The following ARFIP1 variants were observed in gnomAD, a reference collection of about 807,000 sequenced individuals.
ARFIP1 encodes ARF interacting protein 1, also known as arfaptin-1.
A neutral mutation model predicts 42.5 loss-of-function variants in ARFIP1; 24 were observed. The observed-to-expected ratio is 0.57, with a 90% CI of 0.41 to 0.80. ARFIP1 has a LOEUF of 0.80. Ranked by LOEUF, ARFIP1 falls within the 30% of genes least tolerant of loss-of-function variation. The probability of loss-of-function intolerance (pLI) is 0.00; values close to 1 mark genes in which losing one functional copy is unlikely to be tolerated. For synonymous variants in ARFIP1, 141 were observed against 153.7 expected (o/e 0.92, Z 0.61); for missense variants, 354 against 434.0 (o/e 0.82, Z 1.64).
chr4:152,791,601 C>T (rs961223998), intron 1 of ARFIP1, among the ~76,000 whole-genome samples: 2 of 152,026 alleles, frequency 1.3e-5, no homozygotes, highest in African/African-American at 2.4e-5. Flanking sequence ...TTTGTAAAGA[C>T]GTAAATACAG....
chr4:152,817,369 G>A (rs1729984060), intron 1 of ARFIP1, among the ~76,000 whole-genome samples: 1 of 152,186 alleles, frequency 6.6e-6, no homozygotes, highest in Non-Finnish European at 1.5e-5. Flanking sequence ...AGACAGGATA[G>A]TCTCTTTAAC....
chr4:152,909,315 G>A (rs975563142), intron 8 of ARFIP1, among the ~76,000 whole-genome samples: 1 of 152,188 alleles, frequency 6.6e-6, no homozygotes, highest in Non-Finnish European at 1.5e-5. Context: ...AACCCTGGAG[G>A]CAGAGGTTGC....
chr4:152,824,186 G>A (rs1162198404), intron 1 of ARFIP1, among the ~76,000 whole-genome samples: 2 of 151,628 alleles, frequency 1.3e-5, no homozygotes, highest in Non-Finnish European at 2.9e-5. Context: ...GTTGGTGCAG[G>A]CCTGTAATCC....
chr4:152,898,207 C>T (rs1334310590), intron 8 of ARFIP1, among the ~76,000 whole-genome samples: 1 of 151,990 alleles, frequency 6.6e-6, no homozygotes, highest in Non-Finnish European at 1.5e-5. Context: ...TGGTCTTGAA[C>T]TCCTGACCTT....
chr4:152,894,557 G>C (rs956646165), intron 8 of ARFIP1, among the ~76,000 whole-genome samples: 1 of 152,250 alleles, frequency 6.6e-6, no homozygotes, highest in Non-Finnish European at 1.5e-5. Context: ...AGTACTTCTT[G>C]GTGTGTGCTC....
intron 7 of ARFIP1, among the ~76,000 whole-genome samples, chr4:152,885,370 G>A (rs931038743): frequency 1.3e-5 from 2 of 151,966 alleles, no homozygotes; most frequent in African/African-American, 4.8e-5. Flanking sequence ...AGAAAATCTT[G>A]TAACAGCCCA....
Position 152,882,734 on chromosome 4 carries a change from C to T in ARFIP1, c.645C>T (p.Gly215=), listed in dbSNP as rs1411041834. ...LKSLELHEEF[G]YNADTQKLLA... is the part of the protein sequence containing the mutation. ...CTTCTTTGTTTTAGGAAGAATTTGG[C>T]TATAATGCCGATACCCAGAAACTGC... is the stretch of plus-strand genomic sequence containing the variant. Residue 215 remains glycine (G), a synonymous_variant, in exon 7 of 9, where the codon GGC becomes GGT. Coordinates refer to ENST00000353617, the MANE Select transcript of ARFIP1 (RefSeq NM_001025595.3). The T allele has an allele frequency of 6.2e-7, 1 of 1,612,836 alleles. No individual in the cohort carries two copies. Among genetic ancestry groups the T allele is most frequent in the Admixed American group, 1.7e-5 (1 of 59,878 alleles).
At chr4:152,824,791 C>G (rs1053027003) in intron 1 of ARFIP1, among the ~76,000 whole-genome samples, 5 of 152,160 alleles carry the variant, frequency 3.3e-5, no homozygotes, top group African/African-American at 9.7e-5. Flanking sequence ...CTAGAAAACC[C>G]TAAGGACTCC....
At chr4:152,859,657 T>G (rs117103670) in intron 2 of ARFIP1, among the ~76,000 whole-genome samples, 1 of 152,120 alleles carries the variant, frequency 6.6e-6, no homozygotes, top group Non-Finnish European at 1.5e-5. Flanking sequence ...TGGGCTTTTC[T>G]TGCATTTTTT....
intron 1 of ARFIP1, among the ~76,000 whole-genome samples, chr4:152,790,201 G>T (rs978482683): frequency 3.3e-5 from 5 of 152,130 alleles, no homozygotes; most frequent in Admixed American, 6.5e-5. Flanking sequence ...TATTGAAGGG[G>T]TTTATTTTAC....
intron 8 of ARFIP1, among the ~76,000 whole-genome samples, chr4:152,909,389 AAC>A (rs2149918527): frequency 6.6e-6 from 1 of 152,302 alleles, no homozygotes; most frequent in South Asian, 2.1e-4. Flanking sequence ...TGTCTCAAAA[AAC>A]AAAACAAAAC....
intron 6 of ARFIP1, 27 bp downstream of exon 6, chr4:152,881,211 G>A (rs1578999227): frequency 6.7e-7 from 1 of 1,501,444 alleles, no homozygotes; most frequent in South Asian, 1.2e-5. Flanking sequence ...TAACTATTAG[G>A]GATGGGAGAA....
At chr4:152,894,599 A>T (rs1402577095) in intron 8 of ARFIP1, among the ~76,000 whole-genome samples, 2 of 152,226 alleles carry the variant, frequency 1.3e-5, no homozygotes, top group Non-Finnish European at 2.9e-5. Context: ...TATATAGGTG[A>T]AAGAACTACC....
chr4:152,829,099 A>G (rs1036462240), intron 1 of ARFIP1, among the ~76,000 whole-genome samples: 1 of 152,110 alleles, frequency 6.6e-6, no homozygotes, highest in African/African-American at 2.4e-5. Context: ...CACCAATACC[A>G]CATTGTCTTG....
At chr4:152,843,969 G>T (rs1732327588) in intron 2 of ARFIP1, among the ~76,000 whole-genome samples, 1 of 152,172 alleles carries the variant, frequency 6.6e-6, no homozygotes, top group South Asian at 2.1e-4. Context: ...ACAAAGTTCA[G>T]CTGGAGATTT....
chr4:152,902,807 G>A (rs769559391), intron 8 of ARFIP1, among the ~76,000 whole-genome samples: 15 of 152,054 alleles, frequency 9.9e-5, no homozygotes, highest in African/African-American at 2.9e-4. Flanking sequence ...CACTTTCTTT[G>A]TCTCTCTCTG....
intron 1 of ARFIP1, among the ~76,000 whole-genome samples, chr4:152,813,191 A>G (rs1729603870): frequency 6.6e-6 from 1 of 152,144 alleles, no homozygotes; most frequent in African/African-American, 2.4e-5. Flanking sequence ...ATTACAGATA[A>G]TCTAGTGATG....
At chr4:152,900,784 T>TA (rs564606928) in intron 8 of ARFIP1, among the ~76,000 whole-genome samples, 128 of 152,374 alleles carry the variant, frequency 8.4e-4, no homozygotes, top group East Asian at 4.8e-3. Flanking sequence ...AAGGAGTTGA[T>TA]ACCTTACATG....
chr4:152,896,857 T>G (rs1737377855), intron 8 of ARFIP1, among the ~76,000 whole-genome samples: 1 of 152,208 alleles, frequency 6.6e-6, no homozygotes, highest in Admixed American at 6.5e-5. Flanking sequence ...AGTCTTTAAT[T>G]TTCCTCTTAG....
Sources: gnomAD v4.1 joint callset for allele counts (sites outside exome capture counted in the v4.1 genomes callset) on GRCh38, gnomAD v4.1.1 for gene constraint, MANE v1.5 for transcripts, NCBI Gene and HGNC (gene_info 2026-07-23, HGNC 2026-07-21) for gene names.